Variants in CCDC126 observed in about 807,000 individuals in gnomAD.
CCDC126 encodes the protein coiled-coil domain containing 126, also known as coiled-coil domain-containing protein 126.
In CCDC126, 5 loss-of-function variants were observed where a neutral mutation model predicts 11.7. That is an observed-to-expected ratio of 0.43 (90% CI 0.22 to 0.90). The LOEUF (loss-of-function observed/expected upper bound fraction) is 0.90. Among genes scored for constraint, CCDC126 ranks in the 40% least tolerant of loss-of-function variants. The pLI is 0.27. For missense variants in CCDC126, 150 were observed against 163.1 expected (o/e 0.92, Z 0.44); for synonymous variants, 60 against 61.9 (o/e 0.97, Z 0.14).
chr7:23,607,141 G>T (rs1782637262), intron 2 of CCDC126, among the ~76,000 whole-genome samples: 1 of 152,160 alleles, frequency 6.6e-6, no homozygotes, highest in African/African-American at 2.4e-5. Flanking sequence ...TGTTAATTTG[G>T]TGAATTTCAA....
At chr7:23,603,600 G>T (rs1430106550) in intron 2 of CCDC126, among the ~76,000 whole-genome samples, 1 of 152,100 alleles carries the variant, frequency 6.6e-6, no homozygotes, top group Non-Finnish European at 1.5e-5. Flanking sequence ...ACATCTCTGG[G>T]CTTCAGTTTC....
Position 23,644,043 on chromosome 7 carries a change from CT to C in CCDC126, c.*931del, listed in dbSNP as rs2128024049. 6.6e-6 allele frequency: 1 copy of C among 152,096 alleles called. No homozygotes were observed. The highest frequency in any genetic ancestry group is 2.4e-5 in the African/African-American group (1 of 41,524). 9.4% of individuals were successfully genotyped at this position (152,096 alleles called of 1,614,324 possible). On this transcript the variant is annotated 3_prime_UTR_variant, in exon 4 of 4. Coordinates refer to ENST00000307471, the MANE Select transcript of CCDC126 (RefSeq NM_138771.4). ...CTTTGGAGAATGGAACTCTTGAGGA[CT>C]TTAGCCAGGTGTATATAATAAAGGT...
chr7:23,623,511 A>C (rs1215299362), intron 3 of CCDC126, among the ~76,000 whole-genome samples: 1 of 151,348 alleles, frequency 6.6e-6, no homozygotes, highest in African/African-American at 2.4e-5. Context: ...CAGGAGAGTC[A>C]CTTGAACCCA....
At chr7:23,607,074 G>A (rs994449665) in intron 2 of CCDC126, among the ~76,000 whole-genome samples, 7 of 152,142 alleles carry the variant, frequency 4.6e-5, no homozygotes, top group Non-Finnish European at 7.4e-5. Context: ...ACTGCAAGCC[G>A]GGGCAACAGA....
chr7:23,627,200 T>G (rs1218421883), intron 3 of CCDC126, among the ~76,000 whole-genome samples: 1 of 152,148 alleles, frequency 6.6e-6, no homozygotes, highest in Non-Finnish European at 1.5e-5. Context: ...TCTTTATCAG[T>G]GTAGCTGAAC....
At chr7:23,612,885 T>G (rs1782740760) in intron 3 of CCDC126, among the ~76,000 whole-genome samples, 1 of 152,220 alleles carries the variant, frequency 6.6e-6, no homozygotes, top group African/African-American at 2.4e-5. Flanking sequence ...TGTTTTAAGT[T>G]TCTTATCATG....
chr7:23,605,012 AAAG>A (rs2128014388), intron 2 of CCDC126, among the ~76,000 whole-genome samples: 2 of 152,080 alleles, frequency 1.3e-5, no homozygotes, highest in African/African-American at 4.8e-5. Flanking sequence ...AAAAAAAAAA[AAAG>A]AAAATGATAG....
chr7:23,616,060 A>G (rs905453183), intron 3 of CCDC126, among the ~76,000 whole-genome samples: 1 of 152,218 alleles, frequency 6.6e-6, no homozygotes, highest in Non-Finnish European at 1.5e-5. Flanking sequence ...GCAATAAAAC[A>G]ATGTATTCCT....
At chr7:23,640,343 C>A (rs73287844) in intron 3 of CCDC126, among the ~76,000 whole-genome samples, 214 of 148,482 alleles carry the variant, frequency 1.4e-3, no homozygotes, top group Non-Finnish European at 2.8e-3. Context: ...ACTAAAAATA[C>A]AAAATTAGCC....
chr7:23,623,140 A>AT (rs34633589), intron 3 of CCDC126, among the ~76,000 whole-genome samples: 142 of 135,278 alleles, frequency 1.0e-3, no homozygotes, highest in African/African-American at 1.9e-3. Context: ...TGCCCAGCTG[A>AT]TTTTTTTTTT....
At chr7:23,599,723 T>G (rs1377982503) in intron 2 of CCDC126, among the ~76,000 whole-genome samples, 2 of 151,870 alleles carry the variant, frequency 1.3e-5, no homozygotes, top group East Asian at 3.9e-4. Flanking sequence ...GCTTCCCAAA[T>G]GGTGGGATTA....
chr7:23,610,036 A>T (rs73077139), intron 2 of CCDC126, among the ~76,000 whole-genome samples: 16,094 of 152,034 alleles, frequency 0.11, 904 homozygotes, highest in East Asian at 0.16. Flanking sequence ...GGTGATTCAC[A>T]CCTTTTTTAC....
chr7:23,636,972 A>G (rs1294791984), intron 3 of CCDC126, among the ~76,000 whole-genome samples: 1 of 45,976 alleles, frequency 2.2e-5, no homozygotes. Flanking sequence ...GGCCGCCCCT[A>G]CTGGGAAGTG....
chr7:23,613,610 G>A (rs1690023553), intron 3 of CCDC126, among the ~76,000 whole-genome samples: 2 of 152,040 alleles, frequency 1.3e-5, no homozygotes, highest in Admixed American at 1.3e-4. Context: ...CCACCCCCCA[G>A]GCTGTTGTCA....
chr7:23,628,264 G>A (rs1256266038), intron 3 of CCDC126, among the ~76,000 whole-genome samples: 2 of 152,110 alleles, frequency 1.3e-5, no homozygotes, highest in Non-Finnish European at 2.9e-5. Flanking sequence ...GACTCTGGAG[G>A]AGAAAAAGTC....
intron 3 of CCDC126, among the ~76,000 whole-genome samples, chr7:23,632,101 T>G (rs1432087163): frequency 1.3e-5 from 2 of 151,214 alleles, no homozygotes; most frequent in African/African-American, 2.4e-5. Flanking sequence ...GGGTTTTTTT[T>G]TTTTTTTTTT....
At chr7:23,626,227 C>G (rs926028774) in intron 3 of CCDC126, among the ~76,000 whole-genome samples, 1 of 151,966 alleles carries the variant, frequency 6.6e-6, no homozygotes, top group Admixed American at 6.6e-5. Flanking sequence ...CTTCTTTTCT[C>G]CAGATGAGTT....
chr7:23,635,044 G>A (rs1301511649), intron 3 of CCDC126, among the ~76,000 whole-genome samples: 1 of 152,126 alleles, frequency 6.6e-6, no homozygotes, highest in Non-Finnish European at 1.5e-5. Flanking sequence ...ATCAGGCTAG[G>A]TCTATGTTTT....
chr7:23,616,809 C>A (rs1782802344), intron 3 of CCDC126, among the ~76,000 whole-genome samples: 1 of 152,162 alleles, frequency 6.6e-6, no homozygotes, highest in African/African-American at 2.4e-5. Flanking sequence ...GGACATCCTG[C>A]AATTTATGTC....
Sources: allele counts gnomAD v4.1 joint callset (sites outside exome capture counted in the v4.1 genomes callset), GRCh38; gene constraint gnomAD v4.1.1; transcripts MANE v1.5; gene names NCBI Gene and HGNC (gene_info 2026-07-23, HGNC 2026-07-21).